The following SCN11A variants were observed in gnomAD, a reference collection of about 807,000 sequenced individuals.
The protein encoded by SCN11A is sodium voltage-gated channel alpha subunit 11.
Under a neutral mutation model 162.2 loss-of-function variants are expected in SCN11A, and 122 were observed. The ratio of observed to expected loss-of-function variants is 0.75; its 90% CI spans 0.65 to 0.87. The LOEUF (loss-of-function observed/expected upper bound fraction) is 0.87, where lower values mean the gene tolerates loss of function less well. SCN11A is among the 40% of genes least tolerant of loss of function. SCN11A has a pLI of 0.00. For synonymous variants in SCN11A, 758 were observed against 751.5 expected, an observed-to-expected ratio of 1.01 and a Z score of -0.14; for missense variants, 2,015 against 2,181.6, an observed-to-expected ratio of 0.92 and a Z score of 1.52.
Position 38,890,132 on chromosome 3 carries a change from C to T in SCN11A, c.2836-3894G>A, listed in dbSNP as rs559103574. Among the ~76,000 whole-genome samples the T allele has an allele frequency of 1.8e-4, 27 of 152,224 alleles. No individual in the cohort carries two copies. In the South Asian group the frequency reaches 4.1e-3, roughly 23 times the overall value. On this transcript the variant is annotated intron_variant, in intron 19 of 29. Transcript: ENST00000302328. Reference sequence around the variant, plus strand: ...TAGGGCAGAGACTTTATCCCAGAAGCGGCAGCCCAAGAATACTAGAATCAT... The same window carrying T: ...TAGGGCAGAGACTTTATCCCAGAAGTGGCAGCCCAAGAATACTAGAATCAT...
At position 38,950,311 on chromosome 3, in the gene SCN11A, G is replaced by C; in HGVS notation, c.52C>G (p.Pro18Ala). The C allele has an allele frequency of 1.9e-6, 3 of 1,613,926 alleles. No individual in the cohort carries two copies. In the South Asian group the frequency reaches 3.3e-5, roughly 18 times the overall value. ...GCAGCCAGAGAGTCGGAAGTGAAGGGGCGGAAATTCCGCTCATCTGGAAAG... is the reference window on the plus strand; with the variant it reads ...GCAGCCAGAGAGTCGGAAGTGAAGGCGCGGAAATTCCGCTCATCTGGAAAG... ...VIFPDERNFR[P>A]FTSDSLAAIE... Residue 18 changes from proline (P) to alanine (A), a missense_variant, in exon 5 of 30, where the codon CCC (proline) becomes GCC (alanine). Pro to Ala is a conservative substitution (Grantham distance 27). Transcript: ENST00000302328.
At chr3:38,985,403 T>C (rs2030203949) in intron 2 of SCN11A, among the ~76,000 whole-genome samples, 1 of 150,802 alleles carries the variant, frequency 6.6e-6, no homozygotes. Context: ...GTGCTGGGAT[T>C]ACAGGCGTGA....
At chr3:39,010,952 G>A (rs1272136074) in intron 2 of SCN11A, among the ~76,000 whole-genome samples, 4 of 152,150 alleles carry the variant, frequency 2.6e-5, no homozygotes, top group Non-Finnish European at 4.4e-5. Flanking sequence ...ATAAGAAACA[G>A]TGAATTCAGA....
chr3:38,865,099 C>T (rs2065021095), intron 27 of SCN11A, among the ~76,000 whole-genome samples: 1 of 152,026 alleles, frequency 6.6e-6, no homozygotes, highest in African/African-American at 2.4e-5. Context: ...AAAAAAAAAT[C>T]TGGTGGCAGA....
chr3:39,012,979 A>G (rs538947844), intron 2 of SCN11A, among the ~76,000 whole-genome samples: 91 of 152,264 alleles, frequency 6.0e-4, no homozygotes, highest in African/African-American at 2.1e-3. Flanking sequence ...TTTCTACTGC[A>G]ATTATTTTTT....
At chr3:38,963,453 T>TATATATATATATATATATGATGGAG (rs2066760295) in intron 2 of SCN11A, among the ~76,000 whole-genome samples, 2 of 109,892 alleles carry the variant, frequency 1.8e-5, no homozygotes, top group Non-Finnish European at 3.4e-5. Context: ...ATGATGGAGA[T>TATATATATATATATATATGATGGAG]ATATATATAT....
rs757798778 is a variant in SCN11A at position 38,908,019 on chromosome 3, G to T, written c.1403C>A (p.Ser468Tyr). Reference sequence around the variant, plus strand: ...TTTCCCAGACTCTCTCAAAAAGAAGGACTTCCTTTTCTTATTACCAAAGAG... The same window carrying T: ...TTTCCCAGACTCTCTCAAAAAGAAGTACTTCCTTTTCTTATTACCAAAGAG... Reference protein sequence around the residue: ...RKLFGNKKRKSFFLRESGKDQ... With the variant: ...RKLFGNKKRKYFFLRESGKDQ... Residue 468 changes from serine to tyrosine, a missense_variant, in exon 14 of 30, where the codon TCC becomes TAC. Ser to Tyr is a moderately radical substitution (Grantham distance 144). Coordinates refer to ENST00000302328, the MANE Select transcript of SCN11A (RefSeq NM_001349253.2). The T allele has an allele frequency of 3.7e-5, 59 of 1,613,546 alleles. No homozygotes were observed. Among genetic ancestry groups the T allele is most frequent in the Non-Finnish European group, 4.9e-5 (58 of 1,179,812 alleles).
chr3:38,846,616 C>A lies in SCN11A; in HGVS notation c.*78G>T, dbSNP rs1444246536. The stretch of plus-strand genomic sequence containing the variant: ...TTGGTGAATCCACTCCCTGTTGATA[C>A]ACTAAGCTGCTGACCCCTGGAGCTC... On this transcript the variant is annotated 3_prime_UTR_variant, in exon 30 of 30. Coordinates refer to ENST00000302328, the MANE Select transcript of SCN11A (RefSeq NM_001349253.2). The A allele has an allele frequency of 1.6e-5, 18 of 1,123,112 alleles. No individual in the cohort carries two copies. The highest frequency in any genetic ancestry group is 2.4e-5 in the Non-Finnish European group (18 of 760,580). 69.6% of individuals were successfully genotyped at this position (1,123,112 alleles called of 1,614,324 possible).
intron 2 of SCN11A, among the ~76,000 whole-genome samples, chr3:38,980,074 G>A (rs1282765765): frequency 1.3e-5 from 2 of 152,162 alleles, no homozygotes; most frequent in African/African-American, 4.8e-5. Flanking sequence ...CAGGCAGAAG[G>A]AGAACCTGAG....
intron 1 of SCN11A, among the ~76,000 whole-genome samples, chr3:39,050,342 T>C (rs547321494): frequency 2.2e-4 from 33 of 152,244 alleles, no homozygotes; most frequent in Non-Finnish European, 4.0e-4. Context: ...TCTGTATTAA[T>C]TCCTGTCTCA....
chr3:39,010,053 AGATAGTAG>A (rs1281319375), intron 2 of SCN11A, among the ~76,000 whole-genome samples: 1 of 152,128 alleles, frequency 6.6e-6, no homozygotes, highest in Non-Finnish European at 1.5e-5. Context: ...TAACTATATT[AGATAGTAG>A]GGGCAAGTCT....
chr3:38,968,325 G>A (rs1010538665), intron 2 of SCN11A, among the ~76,000 whole-genome samples: 7 of 152,214 alleles, frequency 4.6e-5, no homozygotes, highest in African/African-American at 1.4e-4. Flanking sequence ...TGGCTCAGGG[G>A]CCTGACTCTG....
intron 19 of SCN11A, among the ~76,000 whole-genome samples, chr3:38,889,522 G>T (rs926206723): frequency 6.6e-6 from 1 of 151,534 alleles, no homozygotes; most frequent in Non-Finnish European, 1.5e-5. Context: ...AATGCTGGCC[G>T]GGCGCGGTGG....
chr3:38,848,404 G>A (rs147432170), intron 29 of SCN11A, among the ~76,000 whole-genome samples: 231 of 152,128 alleles, frequency 1.5e-3, no homozygotes, highest in Non-Finnish European at 2.8e-3. Context: ...AGGGGTCATG[G>A]GCAGTATTTG....
At chr3:38,986,218 C>T (rs1010248243) in intron 2 of SCN11A, among the ~76,000 whole-genome samples, 2 of 150,754 alleles carry the variant, frequency 1.3e-5, no homozygotes, top group Non-Finnish European at 2.9e-5. Flanking sequence ...TTCAATGGAC[C>T]GTCACCACAC....
At chr3:38,990,909 G>C (rs990034578) in intron 2 of SCN11A, among the ~76,000 whole-genome samples, 10 of 152,066 alleles carry the variant, frequency 6.6e-5, no homozygotes, top group Non-Finnish European at 1.5e-4. Context: ...AGAAGGAAGG[G>C]AAGTACCTTC....
intron 22 of SCN11A, among the ~76,000 whole-genome samples, 166 bp downstream of exon 22, chr3:38,883,067 C>T (rs755538117): frequency 3.3e-5 from 5 of 152,264 alleles, no homozygotes; most frequent in African/African-American, 9.6e-5. Context: ...CAGTTGAGCA[C>T]GATTTCAGAA....
intron 1 of SCN11A, among the ~76,000 whole-genome samples, chr3:39,047,822 G>A (rs993354404): frequency 3.9e-5 from 6 of 152,010 alleles, no homozygotes; most frequent in Non-Finnish European, 8.8e-5. Flanking sequence ...CAAAACCACA[G>A]TGAGATATTA....
In SCN11A at chr3:38,854,085, T is replaced by C. The variant is rs182377625; in HGVS notation, c.4057-3334A>G. 5.3e-5 allele frequency among the ~76,000 whole-genome samples: 8 copies of C among 152,126 alleles called. 1 individual carries two copies. In the South Asian group the frequency reaches 6.2e-4, roughly 12 times the overall value. On this transcript the variant is annotated intron_variant, in intron 28 of 29. Transcript: ENST00000302328. ...TCAGAATGGGTTTTACATTTTTAAA[T>C]GTTTGGTGAAAAAAAAAATCAAAAG...
Sources: allele counts gnomAD v4.1 joint callset (sites outside exome capture counted in the v4.1 genomes callset), GRCh38; gene constraint gnomAD v4.1.1; transcripts MANE v1.5; gene names NCBI Gene and HGNC (gene_info 2026-07-23, HGNC 2026-07-21).